TANC1: variants seen among roughly 807,000 people sequenced by gnomAD.
TANC1 encodes the protein tetratricopeptide repeat, ankyrin repeat and coiled-coil containing 1, also known as protein TANC1.
Under a neutral mutation model 149.7 loss-of-function variants are expected in TANC1, and 77 were observed. That is an observed-to-expected ratio of 0.51 (90% confidence interval 0.43 to 0.62). The LOEUF is 0.62. Ranked by LOEUF, TANC1 falls within the 20% of genes least tolerant of loss-of-function variation. The pLI is 0.00. For missense variants in TANC1, 1,985 were observed against 2,321.8 expected, an observed-to-expected ratio of 0.85 and a Z score of 2.98; for synonymous variants, 854 against 925.0, an observed-to-expected ratio of 0.92 and a Z score of 1.39.
At chr2:159,228,484 C>T (rs1455476054) in intron 25 of TANC1, 4 of 338,710 alleles carry the variant, frequency 1.2e-5, no homozygotes, top group South Asian at 4.1e-5. Flanking sequence ...CTTCTGTGCC[C>T]TGCTGCCGGA....
chr2:159,005,894 A>C (rs1346752875), intron 2 of TANC1, among the ~76,000 whole-genome samples: 1 of 152,162 alleles, frequency 6.6e-6, no homozygotes, highest in Non-Finnish European at 1.5e-5. Flanking sequence ...AGTAAAGGCC[A>C]AAAAATTTTT....
chr2:159,224,296 T>C lies in TANC1; in HGVS notation c.3743T>C (p.Leu1248Ser). The C allele has an allele frequency of 1.2e-6, 2 of 1,614,184 alleles. No individual in the cohort carries two copies. Among genetic ancestry groups the C allele is most frequent in the Non-Finnish European group, 1.7e-6 (2 of 1,180,040 alleles). The change falls in exon 23 of 27, where the codon TTG (leucine) becomes TCG (serine). Residue 1248 changes from leucine (L) to serine (S), a missense_variant. Transcript: ENST00000263635. ...EHVDHSGMRP[L>S]DRAIGCRNTS... ...GTGGACCACAGCGGGATGCGGCCCT[T>C]GGACAGAGCCATCGGCTGCCGGAAC...
intron 22 of TANC1, among the ~76,000 whole-genome samples, chr2:159,220,537 CA>C (rs1482148117): frequency 6.6e-6 from 1 of 151,828 alleles, no homozygotes; most frequent in Non-Finnish European, 1.5e-5. Flanking sequence ...CTCCTGACCT[CA>C]TGATCCGCCT....
At chr2:159,142,844 G>T (rs1308728614) in intron 5 of TANC1, among the ~76,000 whole-genome samples, 1 of 151,744 alleles carries the variant, frequency 6.6e-6, no homozygotes, top group East Asian at 1.9e-4. Flanking sequence ...CGGGCGGATT[G>T]CCTGAGGTCA....
At chr2:159,011,070 T>C (rs980281954) in intron 2 of TANC1, among the ~76,000 whole-genome samples, 2 of 152,208 alleles carry the variant, frequency 1.3e-5, no homozygotes, top group Non-Finnish European at 2.9e-5. Flanking sequence ...TCATTCACTC[T>C]ATAAATCACA....
At chr2:159,044,002 ACTCTGAGTTGTCATCC>A (rs1226949315) in intron 2 of TANC1, among the ~76,000 whole-genome samples, 3 of 151,988 alleles carry the variant, frequency 2.0e-5, no homozygotes, top group African/African-American at 7.3e-5. Context: ...CTGTTAACTT[ACTCTGAGTTGTCATCC>A]CTCTTCTTCC....
At chr2:159,164,714 C>T (rs1189746292) in intron 8 of TANC1, among the ~76,000 whole-genome samples, 2 of 152,204 alleles carry the variant, frequency 1.3e-5, no homozygotes, top group Admixed American at 6.5e-5. Flanking sequence ...TTATACTGTG[C>T]TTTCAGGATG....
At chr2:159,131,172 C>G (rs542543894) in intron 4 of TANC1, among the ~76,000 whole-genome samples, 1 of 152,180 alleles carries the variant, frequency 6.6e-6, no homozygotes, top group Admixed American at 6.5e-5. Context: ...ACGTCTCTGG[C>G]CCATCAGTCT....
At chr2:159,106,349 C>T (rs1379042665) in intron 4 of TANC1, among the ~76,000 whole-genome samples, 5 of 152,166 alleles carry the variant, frequency 3.3e-5, no homozygotes, top group African/African-American at 1.2e-4. Context: ...CCCCTGGTAA[C>T]CACGAGTCTA....
intron 9 of TANC1, among the ~76,000 whole-genome samples, chr2:159,169,774 C>T (rs969916388): frequency 6.6e-6 from 1 of 152,070 alleles, no homozygotes; most frequent in African/African-American, 2.4e-5. Flanking sequence ...AGGTGGATCA[C>T]CTGAGGTCAG....
At chr2:159,115,208 G>A (rs1448111940) in intron 4 of TANC1, among the ~76,000 whole-genome samples, 3 of 149,180 alleles carry the variant, frequency 2.0e-5, no homozygotes, top group South Asian at 2.1e-4. Flanking sequence ...ATGTGTGTCC[G>A]TGTGTGTGTG....
At chr2:159,148,973 C>T in intron 5 of TANC1, 169 bp from the exon 6 acceptor site, 1 of 698,080 alleles carries the variant, frequency 1.4e-6, no homozygotes. Context: ...TGTCACAGTC[C>T]CTTAATTAGA....
chr2:159,153,284 A>T (rs2053058436), intron 7 of TANC1, among the ~76,000 whole-genome samples: 2 of 152,216 alleles, frequency 1.3e-5, no homozygotes, highest in Non-Finnish European at 2.9e-5. Flanking sequence ...ATGATGACAG[A>T]GTTAGCACAT....
intron 4 of TANC1, among the ~76,000 whole-genome samples, chr2:159,124,323 G>A (rs900449799): frequency 1.3e-5 from 2 of 152,128 alleles, no homozygotes; most frequent in African/African-American, 2.4e-5. Flanking sequence ...CATCCTGGGC[G>A]ACGGAACGAG....
intron 2 of TANC1, among the ~76,000 whole-genome samples, chr2:159,032,307 A>G (rs944412274): frequency 5.3e-5 from 8 of 152,206 alleles, no homozygotes; most frequent in Admixed American, 5.2e-4. Context: ...CGTTGGTGTT[A>G]GAGACCACAC....
intron 3 of TANC1, among the ~76,000 whole-genome samples, chr2:159,068,395 A>T (rs750673552): frequency 1.3e-5 from 2 of 152,232 alleles, no homozygotes; most frequent in Non-Finnish European, 2.9e-5. Flanking sequence ...ATTCATTCCC[A>T]TGTACTTGAA....
In TANC1 at chr2:159,178,739, C is replaced by A. The variant is rs766697874; in HGVS notation, c.2086C>A (p.Leu696Met). 15 of 1,614,054 alleles carry A rather than the reference C, an allele frequency of 9.3e-6. No homozygotes were observed. In the East Asian group the frequency reaches 1.8e-4, roughly 19 times the overall value. Residue 696 changes from leucine (L) to methionine (M), a missense_variant, in exon 14 of 27, where the codon CTG becomes ATG. Transcript: ENST00000263635. The part of the protein sequence containing the change: ...ATLIGKVSSH[L>M]VLRSLGSYLY... ...ACTCATTGGAAAAGTGAGCAGCCAC[C>A]TGGTGCTGCGGAGCCTCGGCTCCTA...
At chr2:159,015,057 TTGTG>T (rs1172804837) in intron 2 of TANC1, among the ~76,000 whole-genome samples, 1 of 152,176 alleles carries the variant, frequency 6.6e-6, no homozygotes, top group Non-Finnish European at 1.5e-5. Context: ...CTTAGGGACT[TTGTG>T]TGGGGGCTCT....
intron 8 of TANC1, among the ~76,000 whole-genome samples, chr2:159,166,545 A>G (rs1431372035): frequency 6.6e-6 from 1 of 152,204 alleles, no homozygotes; most frequent in East Asian, 1.9e-4. Context: ...GGTTTATTGT[A>G]GCATGAAATT....
Sources: allele counts gnomAD v4.1 joint callset (sites outside exome capture counted in the v4.1 genomes callset), GRCh38; gene constraint gnomAD v4.1.1; transcripts MANE v1.5; gene names NCBI Gene and HGNC (gene_info 2026-07-23, HGNC 2026-07-21).